METTL27: variants seen among roughly 807,000 people sequenced by gnomAD.
METTL27 encodes methyltransferase-like protein 27.
A neutral mutation model predicts 24.5 loss-of-function variants in METTL27; 29 were observed. That is an observed-to-expected ratio of 1.18 (90% CI 0.88 to 1.61). The LOEUF is 1.61. METTL27 is among the 40% of genes most tolerant of loss of function. The pLI is 0.00. For synonymous variants in METTL27, 138 were observed against 146.8 expected (o/e 0.94, Z 0.43); for missense variants, 341 against 324.3 (o/e 1.05, Z -0.40).
Position 73,841,198 on chromosome 7 carries a change from C to T in METTL27, c.124G>A (p.Asp42Asn). 1 of 1,555,578 alleles carries T rather than the reference C, an allele frequency of 6.4e-7. No individual in the cohort carries two copies. Among genetic ancestry groups the T allele is most frequent in the Non-Finnish European group, 8.6e-7 (1 of 1,158,216 alleles). Residue 42 changes from aspartate (D) to asparagine (N), a missense_variant and splice_region_variant, in exon 3 of 6, where the codon GAT becomes AAT. By Grantham distance (23) the Asp-to-Asn change is conservative (BLOSUM62 1). Transcript: ENST00000297873. ...GCACGGTACAGCAGGGTGGCCACATCCTGGGGAAAGAGTGCCGGGCCTACA... is the reference window on the plus strand; with the variant it reads ...GCACGGTACAGCAGGGTGGCCACATTCTGGGGAAAGAGTGCCGGGCCTACA... ...YDRWAPDYDQ[D>N]VATLLYRAPR... is the part of the protein sequence containing the mutation.
intron 2 of METTL27, 145 bp from the exon 3 acceptor site, chr7:73,841,343 C>CA (rs1295865387): frequency 6.5e-5 from 81 of 1,251,756 alleles, no homozygotes; most frequent in Non-Finnish European, 6.8e-5. Context: ...GACGCCCAGG[C>CA]ATGAGGTGCT....
intron 5 of METTL27, among the ~76,000 whole-genome samples, chr7:73,837,711 G>C (rs1237655329): frequency 6.6e-6 from 1 of 152,022 alleles, no homozygotes; most frequent in East Asian, 1.9e-4. Flanking sequence ...TTACAGGCAC[G>C]TGCCACCACG....
rs549611528 is a variant in METTL27 at position 73,841,343 on chromosome 7, C to A, written c.124-145G>T. 98 of 1,251,872 alleles carry A rather than the reference C, an allele frequency of 7.8e-5. 3 individuals carry two copies. In the South Asian group the frequency reaches 1.4e-3, roughly 18 times the overall value. The allele number at this position is 1,251,872 out of a possible 1,614,324, so 77.5% of individuals were successfully genotyped here. On this transcript the variant is annotated intron_variant, in intron 2 of 5. Transcript: ENST00000297873. Reference sequence around the variant, plus strand: ...GGGCTAGCGTGAGGGGACGCCCAGGCATGAGGTGCTTCCCATTGCTAAAGG... The same window carrying A: ...GGGCTAGCGTGAGGGGACGCCCAGGAATGAGGTGCTTCCCATTGCTAAAGG...
In METTL27 at chr7:73,840,022, GCTC is replaced by G. The variant is rs1354781608; in HGVS notation, c.478+6_478+8del. Reference sequence around the variant, plus strand: ...GGGGTTGGGGGTGGTTGGCTGGGCTGCTCCTCACCTGGCTTGGTGACATGTAGC... The same window carrying G: ...GGGGTTGGGGGTGGTTGGCTGGGCTGCTCACCTGGCTTGGTGACATGTAGC... On this transcript the variant is annotated splice_donor_region_variant and intron_variant, in intron 5 of 5. Coordinates refer to ENST00000297873, the MANE Select transcript of METTL27 (RefSeq NM_152559.3). 2.7e-5 allele frequency: 44 copies of G among 1,603,950 alleles called. No homozygotes were observed. Among genetic ancestry groups the G allele is most frequent in the Non-Finnish European group, 3.7e-5 (43 of 1,174,542 alleles).
rs1042460006 is a variant in METTL27 at position 73,835,277 on chromosome 7, G to A, written c.479-275C>T. ...CACGGTCTCCCTCTCATGCTGAGCC[G>A]AAGCTGGACTGTACTGCTGCCATCT... is the stretch of plus-strand genomic sequence containing the variant. On this transcript the variant is annotated intron_variant, in intron 5 of 5. Coordinates refer to ENST00000297873, the MANE Select transcript of METTL27 (RefSeq NM_152559.3). Among the ~76,000 whole-genome samples, 19 of 142,508 alleles carry A rather than the reference G, an allele frequency of 1.3e-4. No individual in the cohort carries two copies. The East Asian group carries it at 2.1e-3, about 16-fold the overall frequency. 93.5% of individuals were successfully genotyped at this position (142,508 alleles called of 152,430 possible).
chr7:73,841,978 G>C (rs1554636524), intron 2 of METTL27, 40 bp downstream of exon 2: 1 of 1,613,392 alleles, frequency 6.2e-7, no homozygotes, highest in South Asian at 1.1e-5. Flanking sequence ...TAGAAAAATG[G>C]AGGCTGGTCT....
chr7:73,837,420 A>G (rs1554635534), intron 5 of METTL27, among the ~76,000 whole-genome samples: 1 of 149,188 alleles, frequency 6.7e-6, no homozygotes, highest in Non-Finnish European at 1.5e-5. Flanking sequence ...ACCTAATCCC[A>G]TACATGTTAC....
At chr7:73,835,118 GCTCTCT>G (rs1396751871) in intron 5 of METTL27, 116 bp from the exon 6 acceptor site, 13 of 1,388,832 alleles carry the variant, frequency 9.4e-6, no homozygotes, top group Non-Finnish European at 1.2e-5. Flanking sequence ...GATTGGGGAC[GCTCTCT>G]CCCTCTCCCT....
At chr7:73,841,042 G>A (rs542881311) in intron 3 of METTL27, 28 bp downstream of exon 3, 2 of 1,454,302 alleles carry the variant, frequency 1.4e-6, no homozygotes, top group Admixed American at 3.2e-5. Flanking sequence ...GGGCTAAGGA[G>A]TAGGCAGGGG....
intron 5 of METTL27, 174 bp from the exon 6 acceptor site, chr7:73,835,176 C>T: frequency 2.6e-6 from 2 of 771,408 alleles, no homozygotes; most frequent in Non-Finnish European, 1.9e-6. Flanking sequence ...TCCCTCCTCT[C>T]CCTCCTCTCC....
intron 5 of METTL27, among the ~76,000 whole-genome samples, chr7:73,838,441 G>C (rs577553329): frequency 1.3e-5 from 2 of 152,312 alleles, no homozygotes; most frequent in African/African-American, 4.8e-5. Flanking sequence ...GGCACCTATA[G>C]TGTGCGTGCC....
rs1554635354 is a variant in METTL27 at position 73,836,724 on chromosome 7, C to A, written c.479-1722G>T. On this transcript the variant is annotated intron_variant, in intron 5 of 5. Coordinates refer to ENST00000297873, the MANE Select transcript of METTL27 (RefSeq NM_152559.3). Reference sequence around the variant, plus strand: ...GAAGTGAGGGGCGCCTCTGCCCGGCCGCCCCTACTGGGAACTGAGGAGCCC... The same window carrying A: ...GAAGTGAGGGGCGCCTCTGCCCGGCAGCCCCTACTGGGAACTGAGGAGCCC... Among the ~76,000 whole-genome samples, 3 of 73,878 alleles carry A rather than the reference C, an allele frequency of 4.1e-5. 1 individual carries two copies. The highest frequency in any genetic ancestry group is 1.1e-4 in the Non-Finnish European group (3 of 27,728). The allele number at this position is 73,878 out of a possible 152,430, so 48.5% of individuals were successfully genotyped here.
chr7:73,841,218 C>T lies in METTL27; in HGVS notation c.124-20G>A. On this transcript the variant is annotated intron_variant, in intron 2 of 5. Coordinates refer to ENST00000297873, the MANE Select transcript of METTL27 (RefSeq NM_152559.3). ...CACATCCTGGGGAAAGAGTGCCGGGCCTACAACACCGGTGCCCCAGTGTTT... is the reference window on the plus strand; with the variant it reads ...CACATCCTGGGGAAAGAGTGCCGGGTCTACAACACCGGTGCCCCAGTGTTT... 1 of 1,552,196 alleles carries T rather than the reference C, an allele frequency of 6.4e-7. No individual in the cohort carries two copies. The highest frequency in any genetic ancestry group is 1.2e-5 in the South Asian group (1 of 80,846).
intron 5 of METTL27, among the ~76,000 whole-genome samples, chr7:73,836,224 AGG>A (rs1554635199): frequency 1.3e-5 from 1 of 75,610 alleles, no homozygotes. Context: ...TCCGGGAGGG[AGG>A]TGGGGGCATC....
chr7:73,837,990 C>T (rs1788254435), intron 5 of METTL27, among the ~76,000 whole-genome samples: 1 of 151,908 alleles, frequency 6.6e-6, no homozygotes, highest in South Asian at 2.1e-4. Flanking sequence ...GCTGGGACCA[C>T]AGGTGCTCAC....
rs150534293 is a variant in METTL27, at chr7:73,841,167, C to T, written c.155G>A (p.Arg52His). 7.7e-6 allele frequency: 12 copies of T among 1,549,844 alleles called. No homozygotes were observed. In the African/African-American group the frequency reaches 8.6e-5, roughly 11 times the overall value. The change falls in exon 3 of 6, where the codon CGC becomes CAC. Residue 52 changes from arginine (R) to histidine (H), a missense_variant. By Grantham distance (29) the Arg-to-His change is conservative. Transcript: ENST00000297873. ...DVATLLYRAP[R>H]LAVDCLTQAL... ...TTGTGTGAGGCAGTCCACTGCGAGGCGGGGCGCACGGTACAGCAGGGTGGC... is the reference window on the plus strand; with the variant it reads ...TTGTGTGAGGCAGTCCACTGCGAGGTGGGGCGCACGGTACAGCAGGGTGGC...
intron 5 of METTL27, among the ~76,000 whole-genome samples, chr7:73,836,514 C>T (rs1788202910): frequency 2.5e-5 from 3 of 120,226 alleles, no homozygotes; most frequent in South Asian, 3.0e-4. Context: ...GCCAGCCGCC[C>T]CATCCGGGAG....
chr7:73,836,249 G>C (rs1160389295), intron 5 of METTL27, among the ~76,000 whole-genome samples: 1 of 112,302 alleles, frequency 8.9e-6, no homozygotes, highest in Non-Finnish European at 2.0e-5. Context: ...CCCCCCGCCC[G>C]GCCAGCCGCC....
In METTL27 at chr7:73,834,708, G is replaced by C; in HGVS notation, c.*35C>G. 1.3e-6 allele frequency: 2 copies of C among 1,588,472 alleles called. No homozygotes were observed. The highest frequency in any genetic ancestry group is 1.7e-6 in the Non-Finnish European group (2 of 1,163,454). The stretch of plus-strand genomic sequence containing the variant: ...AGATGGGCCCAGCTAAGGCCACATG[G>C]AGTCAGGGGCCAGCTGGGGGCTGGG... On this transcript the variant is annotated 3_prime_UTR_variant, in exon 6 of 6. Transcript: ENST00000297873.
Sources: gnomAD v4.1 joint callset for allele counts (sites outside exome capture counted in the v4.1 genomes callset) on GRCh38, gnomAD v4.1.1 for gene constraint, MANE v1.5 for transcripts, NCBI Gene and HGNC (gene_info 2026-07-23, HGNC 2026-07-21) for gene names.